HMGB1: variants seen among roughly 807,000 people sequenced by gnomAD.
HMGB1 encodes high mobility group box 1, also known as high mobility group protein B1.
For synonymous variants in HMGB1, 81 were observed against 84.0 expected, an observed-to-expected ratio of 0.96 and a Z score of 0.19; for missense variants, 79 against 253.5, an observed-to-expected ratio of 0.31 and a Z score of 4.67.
intron 1 of HMGB1, among the ~76,000 whole-genome samples, chr13:30,571,451 T>A (rs537532972): frequency 1.3e-5 from 2 of 152,142 alleles, no homozygotes; most frequent in African/African-American, 4.8e-5. Context: ...TGTGCCACCA[T>A]GCCCGGCTAA....
chr13:30,501,477 C>G (rs941469567), intron 1 of HMGB1, among the ~76,000 whole-genome samples: 23 of 151,990 alleles, frequency 1.5e-4, no homozygotes, highest in Non-Finnish European at 4.4e-5. Flanking sequence ...TTTATCAGAT[C>G]CTTAAGGATC....
At chr13:30,486,201 C>T (rs141488787) in intron 1 of HMGB1, among the ~76,000 whole-genome samples, 69 of 152,302 alleles carry the variant, frequency 4.5e-4, no homozygotes, top group African/African-American at 1.4e-3. Context: ...CTTTGCTTCA[C>T]GGTCAGAGGC....
chr13:30,461,587 A>G, intron 4 of HMGB1, 54 bp from the exon 5 acceptor site: 1 of 1,570,242 alleles, frequency 6.4e-7, no homozygotes, highest in Admixed American at 1.9e-5. Context: ...CATTAAGGAA[A>G]GAAATAGAAC....
At chr13:30,576,700 T>C (rs1426764765) in intron 1 of HMGB1, among the ~76,000 whole-genome samples, 1 of 151,776 alleles carries the variant, frequency 6.6e-6, no homozygotes, top group Non-Finnish European at 1.5e-5. Flanking sequence ...ATCGCAACTA[T>C]CTCCTGGAAG....
intron 1 of HMGB1, among the ~76,000 whole-genome samples, chr13:30,515,910 A>T (rs971578434): frequency 6.6e-6 from 1 of 152,190 alleles, no homozygotes; most frequent in African/African-American, 2.4e-5. Context: ...CATTACAAAG[A>T]AAGATTCTAT....
At chr13:30,587,039 T>A (rs1871183598) in intron 1 of HMGB1, among the ~76,000 whole-genome samples, 1 of 152,192 alleles carries the variant, frequency 6.6e-6, no homozygotes, top group Non-Finnish European at 1.5e-5. Flanking sequence ...TTTAAAAACT[T>A]TACTTTGTAG....
intron 1 of HMGB1, among the ~76,000 whole-genome samples, chr13:30,532,703 T>A (rs971852861): frequency 1.3e-5 from 2 of 152,086 alleles, no homozygotes; most frequent in African/African-American, 2.4e-5. Flanking sequence ...GAGATGGGGT[T>A]TCGCCATGTT....
chr13:30,612,824 G>C (rs936796359), intron 1 of HMGB1, among the ~76,000 whole-genome samples: 3 of 152,156 alleles, frequency 2.0e-5, no homozygotes, highest in African/African-American at 7.2e-5. Context: ...AGTACTTATA[G>C]AACGTTATTT....
chr13:30,473,849 C>T (rs1887005090), intron 1 of HMGB1, among the ~76,000 whole-genome samples: 1 of 152,128 alleles, frequency 6.6e-6, no homozygotes. Flanking sequence ...TGGAAAACAC[C>T]CAAATGCCCA....
chr13:30,503,198 G>A (rs188400816), intron 1 of HMGB1, among the ~76,000 whole-genome samples: 42 of 152,096 alleles, frequency 2.8e-4, no homozygotes, highest in African/African-American at 8.9e-4. Flanking sequence ...AAGAAAATTA[G>A]CTAGGCGTGG....
At chr13:30,506,823 G>T (rs1887879805) in intron 1 of HMGB1, among the ~76,000 whole-genome samples, 1 of 152,168 alleles carries the variant, frequency 6.6e-6, no homozygotes, top group South Asian at 2.1e-4. Flanking sequence ...AGGTTGCACA[G>T]CTGTGTGGGT....
At position 30,546,077 on chromosome 13, in the gene HMGB1, C is replaced by T. The variant is rs142368479; in HGVS notation, c.-15+70594G>A. On this transcript the variant is annotated intron_variant, in intron 1 of 4. Coordinates refer to the HMGB1 transcript ENST00000405805. ...CAGATATAAAGCACTTCCATCATCA[C>T]GGAAAGTTCTATGGCACACTGCTGG... Among the ~76,000 whole-genome samples the T allele has an allele frequency of 4.6e-3, 699 of 152,218 alleles. 2 individuals carry two copies. The highest frequency in any genetic ancestry group is 6.9e-3 in the Non-Finnish European group (469 of 68,018).
intron 1 of HMGB1, among the ~76,000 whole-genome samples, chr13:30,503,853 T>A (rs944349556): frequency 6.6e-6 from 1 of 151,898 alleles, no homozygotes; most frequent in Non-Finnish European, 1.5e-5. Context: ...GCCCAGGAGT[T>A]TAAGGCTGCA....
chr13:30,463,801 G>A, intron 1 of HMGB1, 107 bp from the exon 2 acceptor site: 1 of 684,836 alleles, frequency 1.5e-6, no homozygotes. Flanking sequence ...ATTTAACACA[G>A]TAGCGACATC....
chr13:30,568,186 C>A (rs1451696185), intron 1 of HMGB1, among the ~76,000 whole-genome samples: 3 of 152,076 alleles, frequency 2.0e-5, no homozygotes, highest in Non-Finnish European at 4.4e-5. Flanking sequence ...CATGTGTTAA[C>A]CCTGGAAACT....
chr13:30,510,719 C>T (rs1383691968), intron 1 of HMGB1, among the ~76,000 whole-genome samples: 1 of 152,182 alleles, frequency 6.6e-6, no homozygotes, highest in Non-Finnish European at 1.5e-5. Context: ...CGCGAGGAGG[C>T]TATGAAGTTC....
At chr13:30,605,598 TGG>T (rs1950450056) in intron 1 of HMGB1, among the ~76,000 whole-genome samples, 1 of 150,860 alleles carries the variant, frequency 6.6e-6, no homozygotes, top group Non-Finnish European at 1.5e-5. Context: ...AGAGTTTTGG[TGG>T]GAAGACAGGA....
intron 1 of HMGB1, among the ~76,000 whole-genome samples, chr13:30,525,914 C>T (rs1214951684): frequency 1.3e-5 from 2 of 152,066 alleles, no homozygotes; most frequent in Admixed American, 1.3e-4. Context: ...CCAGGCTGGT[C>T]TGGAGCTTCT....
At chr13:30,556,800 G>C (rs1171237526) in intron 1 of HMGB1, among the ~76,000 whole-genome samples, 1 of 152,200 alleles carries the variant, frequency 6.6e-6, no homozygotes, top group Non-Finnish European at 1.5e-5. Flanking sequence ...AAATTATAGC[G>C]AGATAAGAGA....
Sources: gnomAD v4.1 joint callset for allele counts (sites outside exome capture counted in the v4.1 genomes callset) on GRCh38, gnomAD v4.1.1 for gene constraint, MANE v1.5 for transcripts, NCBI Gene and HGNC (gene_info 2026-07-23, HGNC 2026-07-21) for gene names.